PRKD1: variants seen among roughly 807,000 people sequenced by gnomAD.
PRKD1 encodes serine/threonine-protein kinase D1.
Under a neutral mutation model 95.9 loss-of-function variants are expected in PRKD1, and 63 were observed. The ratio of observed to expected loss-of-function variants is 0.66; its 90% CI spans 0.54 to 0.81. The LOEUF is 0.81. Among genes scored for constraint, PRKD1 ranks in the 30% least tolerant of loss-of-function variants. The probability of loss-of-function intolerance (pLI) is 0.00; values close to 1 mark genes in which losing one functional copy is unlikely to be tolerated. For missense variants in PRKD1, 1,048 were observed against 1,165.3 expected (o/e 0.90, Z 1.47); for synonymous variants, 425 against 423.1 (o/e 1.00, Z -0.05).
At chr14:29,886,616 A>T (rs1893715020) in intron 1 of PRKD1, among the ~76,000 whole-genome samples, 2 of 152,250 alleles carry the variant, frequency 1.3e-5, no homozygotes, top group Non-Finnish European at 2.9e-5. Flanking sequence ...GTACTCAGCC[A>T]TGCAATGAAA....
intron 1 of PRKD1, among the ~76,000 whole-genome samples, chr14:29,874,821 T>C (rs773843598): frequency 1.3e-5 from 2 of 152,038 alleles, no homozygotes; most frequent in Non-Finnish European, 2.9e-5. Context: ...GAATGACAGA[T>C]AGATCAGATG....
intron 1 of PRKD1, among the ~76,000 whole-genome samples, chr14:29,779,351 C>G (rs1447321284): frequency 2.6e-5 from 4 of 152,152 alleles, no homozygotes; most frequent in African/African-American, 4.8e-5. Flanking sequence ...CAAATTGTCC[C>G]TGTTTTCAGA....
chr14:29,827,503 A>G lies in PRKD1; in HGVS notation c.264+99746T>C, dbSNP rs1177052971. The stretch of plus-strand genomic sequence containing the variant: ...TACGGTCAGCCTTCTCTTCCCATTC[A>G]TCTTGCTCTGAGTACCATGCTACTC... On this transcript the variant is annotated intron_variant, in intron 1 of 17. Coordinates refer to ENST00000331968, the MANE Select transcript of PRKD1 (RefSeq NM_002742.3). 2.0e-5 allele frequency among the ~76,000 whole-genome samples: 3 copies of G among 152,064 alleles called. 1 individual carries two copies. Among genetic ancestry groups the G allele is most frequent in the East Asian group, 1.9e-4 (1 of 5,176 alleles).
At chr14:29,873,876 C>T (rs534774680) in intron 1 of PRKD1, among the ~76,000 whole-genome samples, 2 of 151,934 alleles carry the variant, frequency 1.3e-5, no homozygotes, top group African/African-American at 2.4e-5. Flanking sequence ...ATACACACAG[C>T]TGCACTGGAA....
intron 1 of PRKD1, among the ~76,000 whole-genome samples, chr14:29,854,064 G>A (rs1433394902): frequency 2.0e-5 from 3 of 152,178 alleles, no homozygotes; most frequent in African/African-American, 7.2e-5. Context: ...GACTAATACA[G>A]TAAATTGGTA....
chr14:29,891,535 G>T (rs73243907), intron 1 of PRKD1, among the ~76,000 whole-genome samples: 4,872 of 152,030 alleles, frequency 0.032, 288 homozygotes, highest in African/African-American at 0.11. Flanking sequence ...GTCTATTTCA[G>T]CACCTCCTCT....
intron 13 of PRKD1, among the ~76,000 whole-genome samples, chr14:29,623,151 T>C (rs934649778): frequency 7.9e-5 from 12 of 152,174 alleles, no homozygotes; most frequent in African/African-American, 2.7e-4. Flanking sequence ...GCAGAGAGCA[T>C]TGTGAGTCCT....
At position 29,767,370 on chromosome 14, in the gene PRKD1, G is replaced by A. The variant is rs558870251; in HGVS notation, c.265-41696C>T. 1.3e-3 allele frequency among the ~76,000 whole-genome samples: 191 copies of A among 152,128 alleles called. 1 individual carries two copies. The highest frequency in any genetic ancestry group is 4.4e-3 in the African/African-American group (181 of 41,504). On this transcript the variant is annotated intron_variant, in intron 1 of 17. Transcript: ENST00000331968. ...ATGAGGTAGGATCCATAATCTATGC[G>A]GCTTAAATTATAAGGATATTAATAT... is the stretch of plus-strand genomic sequence containing the variant.
At chr14:29,882,173 C>T (rs947585843) in intron 1 of PRKD1, among the ~76,000 whole-genome samples, 1 of 152,150 alleles carries the variant, frequency 6.6e-6, no homozygotes, top group African/African-American at 2.4e-5. Context: ...AGCATTTCTG[C>T]TAAATACATA....
Position 29,623,970 on chromosome 14 carries a change from C to T in PRKD1, c.1905+182G>A, listed in dbSNP as rs572417761. On this transcript the variant is annotated intron_variant, in intron 13 of 17. Coordinates refer to ENST00000331968, the MANE Select transcript of PRKD1 (RefSeq NM_002742.3). Reference sequence around the variant, plus strand: ...TTAAATACATAAAAAAGAACAACTGCTGCCTAGACTCAGGAAAGATACTAT... The same window carrying T: ...TTAAATACATAAAAAAGAACAACTGTTGCCTAGACTCAGGAAAGATACTAT... Among the ~76,000 whole-genome samples, 4 of 152,250 alleles carry T rather than the reference C, an allele frequency of 2.6e-5. No individual in the cohort carries two copies. The East Asian group carries it at 7.7e-4, about 29-fold the overall frequency.
intron 1 of PRKD1, among the ~76,000 whole-genome samples, chr14:29,859,135 C>A (rs954596549): frequency 2.0e-5 from 3 of 152,162 alleles, no homozygotes; most frequent in African/African-American, 7.2e-5. Flanking sequence ...ATCAGTTAGG[C>A]CATCAAAAGT....
At chr14:29,888,237 T>C (rs532700110) in intron 1 of PRKD1, among the ~76,000 whole-genome samples, 1 of 150,812 alleles carries the variant, frequency 6.6e-6, no homozygotes, top group African/African-American at 2.4e-5. Context: ...CCAGGAGTGA[T>C]CCTATGATTT....
chr14:29,618,981 G>A (rs1253357243), intron 13 of PRKD1, among the ~76,000 whole-genome samples: 1 of 152,180 alleles, frequency 6.6e-6, no homozygotes, highest in Admixed American at 6.5e-5. Flanking sequence ...ATGAGGAGGA[G>A]GAAGGGGGAG....
chr14:29,850,373 C>G, intron 1 of PRKD1, among the ~76,000 whole-genome samples: 1 of 148,188 alleles, frequency 6.7e-6, no homozygotes, highest in East Asian at 2.1e-4. Context: ...GATACAAAAT[C>G]AATATACAAA....
chr14:29,602,926 T>A (rs1893575634), intron 13 of PRKD1, among the ~76,000 whole-genome samples: 1 of 152,238 alleles, frequency 6.6e-6, no homozygotes, highest in South Asian at 2.1e-4. Context: ...TCAACTATTT[T>A]GTGCCATGTT....
intron 13 of PRKD1, among the ~76,000 whole-genome samples, chr14:29,611,125 C>T (rs762326157): frequency 7.6e-4 from 115 of 152,162 alleles, no homozygotes; most frequent in Non-Finnish European, 1.3e-3. Context: ...CAAGAGTAAA[C>T]CATGATGTAA....
At chr14:29,846,419 G>A (rs915036344) in intron 1 of PRKD1, among the ~76,000 whole-genome samples, 1 of 152,158 alleles carries the variant, frequency 6.6e-6, no homozygotes, top group Non-Finnish European at 1.5e-5. Context: ...GTTACCCTAT[G>A]AATATCCAGG....
At chr14:29,627,416 T>C (rs1311559172) in intron 11 of PRKD1, among the ~76,000 whole-genome samples, 2 of 152,330 alleles carry the variant, frequency 1.3e-5, no homozygotes, top group Non-Finnish European at 2.9e-5. Flanking sequence ...ATCTGTGAAG[T>C]AGCTAAACTC....
At chr14:29,719,643 T>A (rs185704857) in intron 2 of PRKD1, among the ~76,000 whole-genome samples, 1 of 152,342 alleles carries the variant, frequency 6.6e-6, no homozygotes, top group Admixed American at 6.5e-5. Context: ...CTATAGCTTT[T>A]CAAATATCTG....
Sources: allele counts gnomAD v4.1 joint callset (sites outside exome capture counted in the v4.1 genomes callset), GRCh38; gene constraint gnomAD v4.1.1; transcripts MANE v1.5; gene names NCBI Gene and HGNC (gene_info 2026-07-23, HGNC 2026-07-21).